The following MDC1 variants were observed in gnomAD, a reference collection of about 807,000 sequenced individuals.
The protein encoded by MDC1 is mediator of DNA damage checkpoint 1.
MDC1 carries 81 observed loss-of-function variants against 142.5 expected under a neutral mutation model. The observed-to-expected ratio is 0.57, with a 90% CI of 0.47 to 0.68. MDC1 has a LOEUF of 0.68. Ranked by LOEUF, MDC1 falls within the 30% of genes least tolerant of loss-of-function variation. The pLI, the probability that MDC1 is intolerant of heterozygous loss-of-function variation, is 0.00. For missense variants in MDC1, 2,119 were observed against 2,547.9 expected, an observed-to-expected ratio of 0.83 and a Z score of 3.62; for synonymous variants, 797 against 968.4, an observed-to-expected ratio of 0.82 and a Z score of 3.29.
At chr6:30,714,492 C>G (rs1041979522) in intron 2 of MDC1, among the ~76,000 whole-genome samples, 1 of 151,942 alleles carries the variant, frequency 6.6e-6, no homozygotes. Flanking sequence ...ATCTCCAGAG[C>G]ACACAATTGG....
At position 30,708,222 on chromosome 6, in the gene MDC1, G is replaced by A. The variant is rs1479336846; in HGVS notation, c.2357C>T (p.Pro786Leu). 1.9e-6 allele frequency: 3 copies of A among 1,613,074 alleles called. No homozygotes were observed. In the East Asian group the frequency reaches 6.7e-5, roughly 36 times the overall value. Residue 786 changes from proline (P) to leucine (L), a missense_variant, in exon 8 of 15, where the codon CCA becomes CTA. Pro to Leu is a moderately conservative substitution (Grantham distance 98). Transcript: ENST00000376406. ...TGGGCTCTCTGGATGTTGGTCTCCT[G>A]GTATTGCCCTAGGTGGAGACAGGCA... ...GPCLSPPRAI[P>L]GDQHPESPVH... is the part of the protein sequence containing the mutation.
intron 7 of MDC1, among the ~76,000 whole-genome samples, chr6:30,711,021 G>A (rs777385187): frequency 1.3e-5 from 2 of 152,190 alleles, no homozygotes; most frequent in South Asian, 2.1e-4. Flanking sequence ...ACGCAAACTC[G>A]CATACACAGA....
At chr6:30,714,209 T>A (rs1190169458) in intron 2 of MDC1, 26 bp from the exon 3 acceptor site, 1 of 1,585,806 alleles carries the variant, frequency 6.3e-7, no homozygotes, top group Non-Finnish European at 8.5e-7. Flanking sequence ...GTAGATAAGC[T>A]CCAAGATCAG....
At chr6:30,706,349 T>C (rs9501482) in intron 9 of MDC1, among the ~76,000 whole-genome samples, 10,203 of 151,292 alleles carry the variant, frequency 0.067, 551 homozygotes, top group African/African-American at 0.14. Flanking sequence ...AGGCCAGGCA[T>C]GGTGGCTGAT....
chr6:30,713,224 C>A lies in MDC1; in HGVS notation c.718G>T (p.Gly240Cys), dbSNP rs1775180719. Residue 240 changes from glycine (G) to cysteine (C), a missense_variant, in exon 5 of 15, where the codon GGT becomes TGT. Gly to Cys is a radical substitution (Grantham distance 159). Coordinates refer to ENST00000376406, the MANE Select transcript of MDC1 (RefSeq NM_014641.3). The surrounding 1 kb of genome is among the most constrained non-coding windows in gnomAD (Gnocchi z 4.9). The part of the protein sequence containing the change: ...TEEASSAARR[G>C]ATVEAKQSEA... ...GACTGCTTTGCCTCTACAGTGGCAC[C>A]TCTTCTGGCAGCTGAGGAGGCCTCC... is the stretch of plus-strand genomic sequence containing the variant. The A allele has an allele frequency of 6.2e-7, 1 of 1,613,122 alleles. No individual in the cohort carries two copies. The highest frequency in any genetic ancestry group is 1.3e-5 in the African/African-American group (1 of 75,076).
Position 30,715,896 on chromosome 6 carries a change from T to C in MDC1, c.-3-718A>G, listed in dbSNP as rs566828531. On this transcript the variant is annotated intron_variant, in intron 1 of 14. Transcript: ENST00000376406. This position sits in a 1 kb window ranked among gnomAD's most constrained non-coding sequence, Gnocchi z 4.1. ...CTGGGTTAAGATTTTCAGATCTCCT[T>C]GAAACATACATAAGCATATATAAGG... Among the ~76,000 whole-genome samples, 1 of 152,332 alleles carries C rather than the reference T, an allele frequency of 6.6e-6. No individual in the cohort carries two copies. Among genetic ancestry groups the C allele is most frequent in the East Asian group, 1.9e-4 (1 of 5,190 alleles).
chr6:30,705,274 G>T lies in MDC1; in HGVS notation c.3909C>A (p.Pro1303=). 1 of 1,527,202 alleles carries T rather than the reference G, an allele frequency of 6.5e-7. No individual in the cohort carries two copies. Among genetic ancestry groups the T allele is most frequent in the Non-Finnish European group, 8.8e-7 (1 of 1,139,702 alleles). The allele number at this position is 1,527,202 out of a possible 1,614,324, so 94.6% of individuals were successfully genotyped here. Residue 1303 remains proline, a synonymous_variant, in exon 10 of 15, where the codon CCC becomes CCA. Coordinates refer to ENST00000376406, the MANE Select transcript of MDC1 (RefSeq NM_014641.3). ...PSTSTDRPVT[P]KPTSRTTRSR... ...TCCTAGTGGTCCGAGATGTGGGCTT[G>T]GGGGTGACAGGTCGGTCTGTGGAGG... is the stretch of plus-strand genomic sequence containing the variant.
intron 14 of MDC1, among the ~76,000 whole-genome samples, chr6:30,701,759 TA>T (rs1772730442): frequency 6.6e-6 from 1 of 152,154 alleles, no homozygotes; most frequent in African/African-American, 2.4e-5. Context: ...AAATGACCAA[TA>T]AACTACTGTT....
In MDC1 at chr6:30,712,013, C is replaced by T; in HGVS notation, c.1929G>A (p.Glu643=). Residue 643 remains glutamate, a synonymous_variant, in exon 5 of 15, where the codon GAG becomes GAA. Transcript: ENST00000376406. The surrounding 1 kb of genome is among the most constrained non-coding windows in gnomAD (Gnocchi z 4.7). ...QVEQDLPISR[E]NLTDLVVDTD... is the part of the protein sequence containing the mutation. Reference sequence around the variant, plus strand: ...TGTCCACCACCAGATCTGTGAGGTTCTCTCTTGAGATAGGGAGGTCCTGCT... The same window carrying T: ...TGTCCACCACCAGATCTGTGAGGTTTTCTCTTGAGATAGGGAGGTCCTGCT... 6.3e-7 allele frequency: 1 copy of T among 1,599,550 alleles called. No individual in the cohort carries two copies. The highest frequency in any genetic ancestry group is 8.5e-7 in the Non-Finnish European group (1 of 1,173,292).
At chr6:30,706,170 T>C (rs1304396866) in intron 9 of MDC1, 72 bp from the exon 10 acceptor site, 17 of 1,297,354 alleles carry the variant, frequency 1.3e-5, no homozygotes, top group Non-Finnish European at 1.5e-5. Flanking sequence ...CTGTTCTTGA[T>C]ACTTGTTTAT....
rs373515222 is a variant in MDC1, at chr6:30,704,004, C to A, written c.5179G>T (p.Ala1727Ser). The A allele has an allele frequency of 1.2e-6, 2 of 1,614,146 alleles. No homozygotes were observed. The highest frequency in any genetic ancestry group is 1.1e-5 in the South Asian group (1 of 91,082). ...GCTGCGAGGGAGCCAGGGTTCCCAG[C>A]GGCTCTCTGCCTCTTGATGCAACTG... ...QPSCIKRQRA[A>S]GNPGSLAAPI... The change falls in exon 10 of 15, where the codon GCT becomes TCT. Residue 1727 changes from alanine to serine, a missense_variant. Coordinates refer to ENST00000376406, the MANE Select transcript of MDC1 (RefSeq NM_014641.3).
chr6:30,701,344 T>C (rs1772647970), intron 14 of MDC1, among the ~76,000 whole-genome samples: 1 of 151,786 alleles, frequency 6.6e-6, no homozygotes, highest in Non-Finnish European at 1.5e-5. Context: ...GAGGTTGCAG[T>C]GAGCCAAGAC....
rs756578505 is a variant in MDC1, at chr6:30,702,848, C to T, written c.5895G>A (p.Pro1965=). ...QSRKAGFFLP[P]DEYVVTDPEQ... ...CAGGGTCGGTCACCACATATTCATC[C>T]GGGGGTAAGAAGAAACCAGCCTTGC... is the stretch of plus-strand genomic sequence containing the variant. Residue 1965 remains proline (P), a synonymous_variant, in exon 13 of 15, where the codon CCG becomes CCA. Coordinates refer to ENST00000376406, the MANE Select transcript of MDC1 (RefSeq NM_014641.3). 3 of 1,613,078 alleles carry T rather than the reference C, an allele frequency of 1.9e-6. No homozygotes were observed. Among genetic ancestry groups the T allele is most frequent in the Non-Finnish European group, 1.7e-6 (2 of 1,180,030 alleles).
rs201277281 is a variant in MDC1 at position 30,705,408 on chromosome 6, G to A, written c.3775C>T (p.Pro1259Ser). Residue 1259 changes from proline to serine, a missense_variant, in exon 10 of 15, where the codon CCT becomes TCT. Coordinates refer to ENST00000376406, the MANE Select transcript of MDC1 (RefSeq NM_014641.3). ...ELQPSTSTDQ[P>S]VTSEPTYQAT... The stretch of plus-strand genomic sequence containing the variant: ...TGATATGTGGGCTCAGAAGTGACAG[G>A]CTGGTCTGTGGAGGTGGAAGGCTGG... The A allele has an allele frequency of 3.9e-4, 609 of 1,558,338 alleles. No homozygotes were observed. The Middle Eastern group carries it at 4.2e-3, about 11-fold the overall frequency.
rs59939040 is a variant in MDC1, at chr6:30,708,855, CAA to C, written c.2222-500_2222-499del. Among the ~76,000 whole-genome samples, 462 of 55,182 alleles carry C rather than the reference CAA, an allele frequency of 8.4e-3. 1 individual carries two copies. The highest frequency in any genetic ancestry group is 0.034 in the East Asian group (65 of 1,886). 36.2% of individuals were successfully genotyped at this position (55,182 alleles called of 152,430 possible). On this transcript the variant is annotated intron_variant, in intron 7 of 14. Coordinates refer to ENST00000376406, the MANE Select transcript of MDC1 (RefSeq NM_014641.3). ...AGCCTGAGTGACAGAGACTCTGTCT[CAA>C]AAAAAAAAAAAAAAAAAAACCCAAG...
Position 30,708,044 on chromosome 6 carries a change from ATCTG to A in MDC1, c.2531_2534del (p.Thr844MetfsTer2), listed in dbSNP as rs772118338. ...TGGTTAATTCTTCCTCTCCTGTCAC[ATCTG>A]TCTGTCTTTCTGGTAGCAGTTTCTC... On this transcript the variant is annotated frameshift_variant, in exon 8 of 15. Transcript: ENST00000376406. LOFTEE classifies it high-confidence loss of function. 2.5e-6 allele frequency: 4 copies of A among 1,612,720 alleles called. No individual in the cohort carries two copies. The highest frequency in any genetic ancestry group is 1.3e-5 in the African/African-American group (1 of 74,808).
Position 30,704,869 on chromosome 6 carries a change from A to G in MDC1, c.4314T>C (p.Asn1438=), listed in dbSNP as rs1054604945. 2.5e-6 allele frequency: 4 copies of G among 1,603,450 alleles called. No individual in the cohort carries two copies. Among genetic ancestry groups the G allele is most frequent in the Non-Finnish European group, 3.4e-6 (4 of 1,175,682 alleles). Residue 1438 remains asparagine (N), a synonymous_variant, in exon 10 of 15, where the codon AAT becomes AAC. Coordinates refer to ENST00000376406, the MANE Select transcript of MDC1 (RefSeq NM_014641.3). ...TTTCAGGGGTCTTCACAGAGGACCT[A>G]TTTGTCCTGCCCCTGGTGGCCTGAG... is the stretch of plus-strand genomic sequence containing the variant. ...PTSQATRGRT[N]RSSVKTPETV...
chr6:30,709,042 G>GTC lies in MDC1; in HGVS notation c.2222-687_2222-686dup, dbSNP rs768658101. ...GCCTAATAAGAGAGTTCCCTGAATA[G>GTC]TCTCTCTCTCTCAAGACAGTTTCAC... On this transcript the variant is annotated intron_variant, in intron 7 of 14. Coordinates refer to ENST00000376406, the MANE Select transcript of MDC1 (RefSeq NM_014641.3). This position sits in a 1 kb window ranked among gnomAD's most constrained non-coding sequence, Gnocchi z 4.2. Among the ~76,000 whole-genome samples the GTC allele has an allele frequency of 6.6e-6, 1 of 152,000 alleles. No homozygotes were observed. The highest frequency in any genetic ancestry group is 1.5e-5 in the Non-Finnish European group (1 of 67,996).
Position 30,713,559 on chromosome 6 carries a change from A to C in MDC1, c.587+89T>G. The C allele has an allele frequency of 3.6e-6, 5 of 1,406,670 alleles. No homozygotes were observed. The South Asian group carries it at 6.4e-5, about 18-fold the overall frequency. The allele number at this position is 1,406,670 out of a possible 1,614,324, so 87.1% of individuals were successfully genotyped here. A position where few individuals can be genotyped will look rare whatever the true frequency, so the allele number is the denominator to read the frequency against. ...GTATGGTTCCCCAGCCCCAACTCTC[A>C]TGATAATCATCTCTTTTAGAGATTG... On this transcript the variant is annotated intron_variant, in intron 4 of 14. Coordinates refer to ENST00000376406, the MANE Select transcript of MDC1 (RefSeq NM_014641.3). This position sits in a 1 kb window ranked among gnomAD's most constrained non-coding sequence, Gnocchi z 4.9.
Sources: gnomAD v4.1 joint callset for allele counts (sites outside exome capture counted in the v4.1 genomes callset) on GRCh38, gnomAD v4.1.1 for gene constraint, Gnocchi (gnomAD v3.1) non-coding constraint, MANE v1.5 for transcripts, NCBI Gene and HGNC (gene_info 2026-07-23, HGNC 2026-07-21) for gene names.